SLC9A9: variants seen among roughly 807,000 people sequenced by gnomAD.
SLC9A9 encodes the protein solute carrier family 9 member A9, also known as sodium/hydrogen exchanger 9.
Under a neutral mutation model 77.8 loss-of-function variants are expected in SLC9A9, and 62 were observed. That is an observed-to-expected ratio of 0.80 (90% confidence interval 0.65 to 0.98). The LOEUF (loss-of-function observed/expected upper bound fraction) is 0.98, where lower values mean the gene tolerates loss of function less well. Ranked by LOEUF, SLC9A9 falls within the 50% of genes least tolerant of loss-of-function variation. The probability of loss-of-function intolerance (pLI) is 0.00; values close to 1 mark genes in which losing one functional copy is unlikely to be tolerated. For synonymous variants in SLC9A9, 320 were observed against 283.5 expected (o/e 1.13, Z -1.29); for missense variants, 775 against 774.9 (o/e 1.00, Z 0.00).
intron 9 of SLC9A9, among the ~76,000 whole-genome samples, chr3:143,521,428 C>T (rs548125316): frequency 4.6e-5 from 7 of 152,170 alleles, no homozygotes; most frequent in South Asian, 2.1e-4. Context: ...TACATATATG[C>T]GCTTTTCTTC....
intron 12 of SLC9A9, among the ~76,000 whole-genome samples, chr3:143,402,453 T>C (rs925801726): frequency 6.6e-6 from 1 of 151,198 alleles, no homozygotes; most frequent in African/African-American, 2.4e-5. Context: ...TTGTGTTTTT[T>C]TTTTTTTTTT....
intron 4 of SLC9A9, among the ~76,000 whole-genome samples, chr3:143,783,533 A>G (rs1244752873): frequency 1.3e-5 from 2 of 152,198 alleles, no homozygotes; most frequent in East Asian, 3.9e-4. Flanking sequence ...GACAATAGGT[A>G]AAGTATGGAA....
chr3:143,318,253 C>A (rs2031294807), intron 14 of SLC9A9, among the ~76,000 whole-genome samples: 1 of 152,054 alleles, frequency 6.6e-6, no homozygotes, highest in Admixed American at 6.6e-5. Flanking sequence ...TAAATCAAGG[C>A]TAGAATATTT....
rs894422748 is a variant in SLC9A9, at chr3:143,820,555, G to A, written c.378+11464C>T. 2.0e-5 allele frequency among the ~76,000 whole-genome samples: 3 copies of A among 152,108 alleles called. No homozygotes were observed. In the East Asian group the frequency reaches 5.8e-4, roughly 29 times the overall value. On this transcript the variant is annotated intron_variant, in intron 2 of 15. Transcript: ENST00000316549. ...GATTGGCTGCTGCTGGTCCCTTGTG[G>A]GCCTGCCATTCATGTGGGGGTTGCC...
chr3:143,643,905 C>A (rs2038661768), intron 6 of SLC9A9, among the ~76,000 whole-genome samples: 1 of 147,266 alleles, frequency 6.8e-6, no homozygotes, highest in Non-Finnish European at 1.5e-5. Flanking sequence ...TCTTCTGATA[C>A]AAGCAGAGGC....
intron 8 of SLC9A9, among the ~76,000 whole-genome samples, chr3:143,567,768 G>A (rs911705868): frequency 8.5e-5 from 13 of 152,132 alleles, no homozygotes; most frequent in Non-Finnish European, 1.3e-4. Flanking sequence ...TAATGAGCAA[G>A]CTGCTTACAC....
At chr3:143,383,139 T>C (rs1266813955) in intron 12 of SLC9A9, among the ~76,000 whole-genome samples, 1 of 152,256 alleles carries the variant, frequency 6.6e-6, no homozygotes, top group Admixed American at 6.5e-5. Flanking sequence ...AAACTGCATT[T>C]TATACATCTC....
At position 143,268,626 on chromosome 3, in the gene SLC9A9, G is replaced by A. The variant is rs182842996; in HGVS notation, c.1710+249C>T. Among the ~76,000 whole-genome samples, 777 of 151,582 alleles carry A rather than the reference G, an allele frequency of 5.1e-3. 1 individual carries two copies. The highest frequency in any genetic ancestry group is 0.017 in the African/African-American group (720 of 41,296). ...CAGGCGCCTGTAGTCCCAGCTACTC[G>A]GGAGGCCGAGGCAGGAGAATGGCAT... On this transcript the variant is annotated intron_variant, in intron 15 of 15. Transcript: ENST00000316549.
intron 4 of SLC9A9, among the ~76,000 whole-genome samples, chr3:143,789,246 AC>A (rs1006767229): frequency 1.3e-5 from 2 of 152,096 alleles, no homozygotes; most frequent in Non-Finnish European, 2.9e-5. Flanking sequence ...TCCTAGAGAA[AC>A]CTTTAGTTCT....
chr3:143,840,635 C>T (rs568715135), intron 1 of SLC9A9, among the ~76,000 whole-genome samples: 2 of 152,286 alleles, frequency 1.3e-5, no homozygotes, highest in East Asian at 3.9e-4. Flanking sequence ...TTCTGTTTCC[C>T]ACAGTGGGCT....
At chr3:143,477,330 A>ATTTTTTTTTTTTTT (rs59195338) in intron 11 of SLC9A9, among the ~76,000 whole-genome samples, 2 of 100,014 alleles carry the variant, frequency 2.0e-5, no homozygotes, top group African/African-American at 3.8e-5. Flanking sequence ...GGCTTCTTCA[A>ATTTTTTTTTTTTTT]TTTTTTTTTT....
At chr3:143,608,588 T>C (rs925578175) in intron 6 of SLC9A9, among the ~76,000 whole-genome samples, 1 of 152,228 alleles carries the variant, frequency 6.6e-6, no homozygotes, top group Non-Finnish European at 1.5e-5. Context: ...AGTTCTTTAA[T>C]ATCCTGTGGA....
chr3:143,411,812 G>A (rs1411697502), intron 12 of SLC9A9, among the ~76,000 whole-genome samples: 1 of 151,840 alleles, frequency 6.6e-6, no homozygotes, highest in Non-Finnish European at 1.5e-5. Flanking sequence ...ATTCATTTTT[G>A]TGTGCTCCCT....
At chr3:143,631,419 T>C (rs1176875889) in intron 6 of SLC9A9, among the ~76,000 whole-genome samples, 1 of 152,198 alleles carries the variant, frequency 6.6e-6, no homozygotes, top group Non-Finnish European at 1.5e-5. Flanking sequence ...TTACTTTTTC[T>C]ATTATTTAAA....
At chr3:143,592,044 C>T (rs1326258897) in intron 6 of SLC9A9, among the ~76,000 whole-genome samples, 2 of 152,154 alleles carry the variant, frequency 1.3e-5, no homozygotes, top group Admixed American at 1.3e-4. Flanking sequence ...AAGAAGATTC[C>T]TTAAAACTTT....
intron 1 of SLC9A9, among the ~76,000 whole-genome samples, chr3:143,840,794 T>C (rs147948705): frequency 6.6e-6 from 1 of 152,052 alleles, no homozygotes; most frequent in East Asian, 1.9e-4. Context: ...CAGCCAGAAT[T>C]TGAGAGTGCA....
intron 4 of SLC9A9, among the ~76,000 whole-genome samples, chr3:143,772,052 G>GTGTGTGTA (rs1288474856): frequency 6.6e-6 from 1 of 151,524 alleles, no homozygotes; most frequent in African/African-American, 2.4e-5. Context: ...GTGTGTGTGT[G>GTGTGTGTA]TGTGTATTGG....
At chr3:143,795,396 G>A (rs1382619349) in intron 3 of SLC9A9, among the ~76,000 whole-genome samples, 1 of 152,076 alleles carries the variant, frequency 6.6e-6, no homozygotes, top group African/African-American at 2.4e-5. Context: ...GTCTATGCCA[G>A]AATCGGGGCA....
chr3:143,622,867 C>T (rs1224375807), intron 6 of SLC9A9, among the ~76,000 whole-genome samples: 1 of 152,034 alleles, frequency 6.6e-6, no homozygotes, highest in Non-Finnish European at 1.5e-5. Context: ...TTCAGGAAAC[C>T]CATCTCACAT....
Sources: gnomAD v4.1 joint callset for allele counts (sites outside exome capture counted in the v4.1 genomes callset) on GRCh38, gnomAD v4.1.1 for gene constraint, MANE v1.5 for transcripts, NCBI Gene and HGNC (gene_info 2026-07-23, HGNC 2026-07-21) for gene names.